Variants in APLF observed in about 807,000 individuals in gnomAD.
APLF encodes aprataxin and PNKP like factor.
APLF carries 61 observed loss-of-function variants against 55.6 expected under a neutral mutation model. The observed-to-expected ratio is 1.10, with a 90% CI of 0.89 to 1.36. APLF has a LOEUF of 1.36. APLF is among the 40% of genes most tolerant of loss of function. The probability of loss-of-function intolerance (pLI) is 0.00; values close to 1 mark genes in which losing one functional copy is unlikely to be tolerated. For missense variants in APLF, 611 were observed against 602.5 expected (o/e 1.01, Z -0.15); for synonymous variants, 207 against 214.8 (o/e 0.96, Z 0.32).
intron 5 of APLF, among the ~76,000 whole-genome samples, chr2:68,516,938 T>TATAATATATATAATATAATATATA (rs1669599250): frequency 8.1e-6 from 1 of 123,556 alleles, no homozygotes; most frequent in Non-Finnish European, 1.6e-5. Flanking sequence ...TAATATATAA[T>TATAATATATATAATATAATATATA]ATAATATATA....
chr2:68,477,226 C>T (rs1675808591), intron 1 of APLF, among the ~76,000 whole-genome samples: 1 of 152,198 alleles, frequency 6.6e-6, no homozygotes, highest in Admixed American at 6.5e-5. Flanking sequence ...CTAGCCACTT[C>T]TTGTTGCTGT....
At chr2:68,492,021 A>G (rs1676379898) in intron 2 of APLF, among the ~76,000 whole-genome samples, 1 of 152,260 alleles carries the variant, frequency 6.6e-6, no homozygotes, top group African/African-American at 2.4e-5. Context: ...TTACTAATGC[A>G]TGAATATTTT....
At chr2:68,574,717 G>C (rs1671575038) in intron 9 of APLF, among the ~76,000 whole-genome samples, 1 of 152,168 alleles carries the variant, frequency 6.6e-6, no homozygotes. Context: ...GATTAATGTG[G>C]TCTTACTGCC....
At chr2:68,475,881 T>TTATATATATATATATATATATATATA (rs141693033) in intron 1 of APLF, among the ~76,000 whole-genome samples, 2 of 148,656 alleles carry the variant, frequency 1.3e-5, no homozygotes, top group African/African-American at 5.0e-5. Flanking sequence ...TTTAAGTCTT[T>TTATATATATATATATATATATATATA]TATATATATA....
chr2:68,533,257 C>A (rs1278119329), intron 6 of APLF, among the ~76,000 whole-genome samples: 2 of 152,160 alleles, frequency 1.3e-5, no homozygotes, highest in Non-Finnish European at 2.9e-5. Flanking sequence ...TAATAAATTT[C>A]TGTTCTTTAT....
chr2:68,467,647 G>T lies in APLF; in HGVS notation c.-85G>T. 8.9e-7 allele frequency: 1 copy of T among 1,129,618 alleles called. No individual in the cohort carries two copies. The allele number at this position is 1,129,618 out of a possible 1,614,324, so 70.0% of individuals were successfully genotyped here. ...CTCCCTCGGTGTTTTTTCCCAGGGC[G>T]TGGGCTTGCCCCGCGCGTGTCTGTG... On this transcript the variant is annotated 5_prime_UTR_variant, in exon 1 of 10. Transcript: ENST00000303795.
chr2:68,498,347 A>G (rs1171203294), intron 2 of APLF, among the ~76,000 whole-genome samples: 1 of 152,244 alleles, frequency 6.6e-6, no homozygotes, highest in Non-Finnish European at 1.5e-5. Context: ...TGTATACTGC[A>G]TGCCCCAAAT....
chr2:68,522,435 T>A (rs1669921447), intron 5 of APLF, among the ~76,000 whole-genome samples: 1 of 151,950 alleles, frequency 6.6e-6, no homozygotes, highest in Non-Finnish European at 1.5e-5. Context: ...TTAAATTTGC[T>A]AATATTTGGT....
At position 68,513,698 on chromosome 2, in the gene APLF, C is replaced by T; in HGVS notation, c.622+18C>T. 1 of 1,605,364 alleles carries T rather than the reference C, an allele frequency of 6.2e-7. No homozygotes were observed. The highest frequency in any genetic ancestry group is 8.5e-7 in the Non-Finnish European group (1 of 1,175,882). On this transcript the variant is annotated intron_variant, in intron 5 of 9. Coordinates refer to ENST00000303795, the MANE Select transcript of APLF (RefSeq NM_173545.3). ...CAGTGGAGGTAGGTTTTTGTTTCTA[C>T]TAATGCTGACTTTAAAGGAAACATT...
At chr2:68,511,830 T>C (rs1395618610) in intron 3 of APLF, among the ~76,000 whole-genome samples, 1 of 151,632 alleles carries the variant, frequency 6.6e-6, no homozygotes, top group Non-Finnish European at 1.5e-5. Flanking sequence ...AAATATTGAT[T>C]GAATGAACAA....
At chr2:68,544,974 T>C (rs890089186) in intron 7 of APLF, among the ~76,000 whole-genome samples, 1 of 152,206 alleles carries the variant, frequency 6.6e-6, no homozygotes, top group Non-Finnish European at 1.5e-5. Flanking sequence ...AAATGTAGTA[T>C]GTTACTGTGA....
At chr2:68,534,553 A>G (rs765233797) in intron 6 of APLF, among the ~76,000 whole-genome samples, 7 of 152,116 alleles carry the variant, frequency 4.6e-5, no homozygotes, top group African/African-American at 1.7e-4. Flanking sequence ...GGCTATTTTA[A>G]TAGCCTTAAT....
At chr2:68,480,238 C>G (rs1391157507) in intron 1 of APLF, among the ~76,000 whole-genome samples, 1 of 150,076 alleles carries the variant, frequency 6.7e-6, no homozygotes, top group African/African-American at 2.4e-5. Context: ...GATGTAAGAT[C>G]ATGTTATCTA....
chr2:68,526,306 A>G, intron 6 of APLF, 64 bp downstream of exon 6: 3 of 1,518,638 alleles, frequency 2.0e-6, no homozygotes, highest in African/African-American at 1.4e-5. Context: ...GAAATTAATC[A>G]TATGCTATAT....
At chr2:68,562,650 G>A (rs1393875830) in intron 8 of APLF, among the ~76,000 whole-genome samples, 1 of 151,944 alleles carries the variant, frequency 6.6e-6, no homozygotes, top group Non-Finnish European at 1.5e-5. Context: ...TTGAACTTAG[G>A]TAGTAGTATA....
chr2:68,492,205 G>A (rs1176344068), intron 2 of APLF, among the ~76,000 whole-genome samples: 2 of 152,074 alleles, frequency 1.3e-5, no homozygotes, highest in Admixed American at 6.6e-5. Flanking sequence ...AAGGCTGGGC[G>A]CGGTGGCTCA....
intron 2 of APLF, among the ~76,000 whole-genome samples, chr2:68,495,574 T>G (rs978093111): frequency 6.6e-6 from 1 of 152,186 alleles, no homozygotes; most frequent in Non-Finnish European, 1.5e-5. Flanking sequence ...TATGTTTGGG[T>G]CTAGAGGATG....
chr2:68,513,434 C>A, intron 4 of APLF, 114 bp from the exon 5 acceptor site: 1 of 1,306,208 alleles, frequency 7.7e-7, no homozygotes, highest in Non-Finnish European at 1.1e-6. Context: ...ATTTTATGAA[C>A]TCAGTCTACA....
chr2:68,570,305 TA>T (rs1376294518), intron 9 of APLF, among the ~76,000 whole-genome samples: 1 of 151,320 alleles, frequency 6.6e-6, no homozygotes, highest in Non-Finnish European at 1.5e-5. Context: ...TATATATTTT[TA>T]TTATGCTTTA....
Sources: allele counts gnomAD v4.1 joint callset (sites outside exome capture counted in the v4.1 genomes callset), GRCh38; gene constraint gnomAD v4.1.1; transcripts MANE v1.5; gene names NCBI Gene and HGNC (gene_info 2026-07-23, HGNC 2026-07-21).